The following ZNF831 variants were observed in gnomAD, a reference collection of about 807,000 sequenced individuals.
ZNF831 encodes chromosome 20 open reading frame 174.
ZNF831 carries 59 observed loss-of-function variants against 95.8 expected under a neutral mutation model. That is an observed-to-expected ratio of 0.62 (90% CI 0.50 to 0.77). The LOEUF (loss-of-function observed/expected upper bound fraction) is 0.77. Ranked by LOEUF, ZNF831 falls within the 30% of genes least tolerant of loss-of-function variation. ZNF831 has a pLI of 0.00. For synonymous variants in ZNF831, 961 were observed against 925.5 expected (o/e 1.04, Z -0.70); for missense variants, 2,205 against 2,164.0 (o/e 1.02, Z -0.38).
chr20:59,193,515 C>T lies in ZNF831; in HGVS notation c.2496C>T (p.Ser832=), dbSNP rs2146584795. The T allele has an allele frequency of 2.5e-6, 4 of 1,609,324 alleles. No individual in the cohort carries two copies. Among genetic ancestry groups the T allele is most frequent in the Non-Finnish European group, 3.4e-6 (4 of 1,177,878 alleles). Residue 832 remains serine (S), a synonymous_variant, in exon 2 of 6, where the codon AGC becomes AGT. Coordinates refer to ENST00000371030, the MANE Select transcript of ZNF831 (RefSeq NM_178457.3). ...RKKLKVEDLH[S]WKQPEPVSAE... is the part of the protein sequence containing the mutation. ...AGCTGAAAGTGGAGGACCTGCACAG[C>T]TGGAAGCAACCAGAGCCTGTGAGCG...
chr20:59,203,197 A>G (rs1365511411), intron 3 of ZNF831, among the ~76,000 whole-genome samples: 1 of 152,218 alleles, frequency 6.6e-6, no homozygotes, highest in Admixed American at 6.5e-5. Flanking sequence ...TTCTTGTATG[A>G]ATTCATATAT....
At chr20:59,152,308 G>T (rs1980291872) in intron 2 of ZNF831, among the ~76,000 whole-genome samples, 1 of 148,714 alleles carries the variant, frequency 6.7e-6, no homozygotes, top group African/African-American at 2.6e-5. Context: ...CTGAGGTTCG[G>T]GAGTGGGAGA....
At chr20:59,215,352 G>A (rs142013528) in intron 4 of ZNF831, among the ~76,000 whole-genome samples, 152 of 152,340 alleles carry the variant, frequency 1.0e-3, no homozygotes, top group African/African-American at 3.3e-3. Context: ...TTGATTGAGG[G>A]AGATGTTTTA....
chr20:59,218,532 C>T (rs989622928), intron 4 of ZNF831, among the ~76,000 whole-genome samples: 2 of 151,956 alleles, frequency 1.3e-5, no homozygotes, highest in African/African-American at 4.8e-5. Context: ...GTGTGTTCGT[C>T]TCTCTCCATC....
intron 4 of ZNF831, among the ~76,000 whole-genome samples, chr20:59,222,758 G>A (rs1986175989): frequency 1.3e-5 from 2 of 152,200 alleles, no homozygotes; most frequent in African/African-American, 4.8e-5. Context: ...CCTGGAGTCC[G>A]GTCTGGGAGG....
At chr20:59,246,877 G>A (rs1321884501) in intron 4 of ZNF831, among the ~76,000 whole-genome samples, 1 of 152,172 alleles carries the variant, frequency 6.6e-6, no homozygotes, top group Non-Finnish European at 1.5e-5. Context: ...CCCTGCCTGT[G>A]CAGCTGAAGT....
rs2146787493 is a variant in ZNF831, at chr20:59,258,982, T to A, written c.*4239T>A. 1 of 152,366 alleles carries A rather than the reference T, an allele frequency of 6.6e-6. No homozygotes were observed. The highest frequency in any genetic ancestry group is 6.5e-5 in the Admixed American group (1 of 15,306). The allele number at this position is 152,366 out of a possible 1,614,324, so 9.4% of individuals were successfully genotyped here. On this transcript the variant is annotated 3_prime_UTR_variant, in exon 6 of 6. Transcript: ENST00000371030. ...GGAATGTCTTGTATATGCGGTCAACTGTTCAGGATTTACTACTCAATTGGT... is the reference window on the plus strand; with the variant it reads ...GGAATGTCTTGTATATGCGGTCAACAGTTCAGGATTTACTACTCAATTGGT...
intron 1 of ZNF831, among the ~76,000 whole-genome samples, chr20:59,177,446 G>GT (rs1982258852): frequency 6.6e-6 from 1 of 152,210 alleles, no homozygotes; most frequent in African/African-American, 2.4e-5. Context: ...TGCACTGGCT[G>GT]TTTGCATCCA....
Position 59,194,518 on chromosome 20 carries a change from C to T in ZNF831, c.3499C>T (p.Pro1167Ser), listed in dbSNP as rs748734904. ...GTSRSHSTRS[P>S]HSTQNPFPSL... is the part of the protein sequence containing the mutation. ...GTCCCGGAGCCACAGCACCCGCAGT[C>T]CCCACAGCACCCAAAACCCCTTTCC... The change falls in exon 2 of 6, where the codon CCC becomes TCC. Residue 1167 changes from proline (P) to serine (S), a missense_variant. Transcript: ENST00000371030. The T allele has an allele frequency of 6.2e-7, 1 of 1,607,968 alleles. No individual in the cohort carries two copies.
chr20:59,247,806 A>C (rs1987692782), intron 4 of ZNF831, among the ~76,000 whole-genome samples: 1 of 152,254 alleles, frequency 6.6e-6, no homozygotes, highest in African/African-American at 2.4e-5. Context: ...ACAAACCAAA[A>C]GAAATATATC....
At chr20:59,248,958 C>T (rs189133260) in intron 4 of ZNF831, among the ~76,000 whole-genome samples, 157 of 152,268 alleles carry the variant, frequency 1.0e-3, no homozygotes, top group African/African-American at 3.7e-3. Flanking sequence ...AACTTCTTAC[C>T]ACAGTCACTT....
Position 59,255,853 on chromosome 20 carries a change from A to G in ZNF831, c.*1110A>G, listed in dbSNP as rs1372024363. The G allele has an allele frequency of 6.6e-6, 1 of 152,166 alleles. No homozygotes were observed. The highest frequency in any genetic ancestry group is 1.5e-5 in the Non-Finnish European group (1 of 68,028). 9.4% of individuals were successfully genotyped at this position (152,166 alleles called of 1,614,324 possible). ...TTGTGCACGTCAGAACTGCACAGAG[A>G]AAATTCCCCAGTATTCCAAGCCGGT... is the stretch of plus-strand genomic sequence containing the variant. On this transcript the variant is annotated 3_prime_UTR_variant, in exon 6 of 6. Transcript: ENST00000371030.
chr20:59,245,267 A>T (rs781160602), intron 4 of ZNF831, among the ~76,000 whole-genome samples: 3 of 152,222 alleles, frequency 2.0e-5, no homozygotes, highest in Non-Finnish European at 4.4e-5. Flanking sequence ...GTTTGAAAGC[A>T]TGTGAAATAC....
At position 59,254,692 on chromosome 20, in the gene ZNF831, G is replaced by T. The variant is rs1269658920; in HGVS notation, c.4983G>T (p.Glu1661Asp). Residue 1661 changes from glutamate to aspartate, a missense_variant, in exon 6 of 6, where the codon GAG becomes GAT. By Grantham distance (45) the Glu-to-Asp change is conservative (BLOSUM62 2). Coordinates refer to ENST00000371030, the MANE Select transcript of ZNF831 (RefSeq NM_178457.3). The surrounding 1 kb of genome is among the most constrained non-coding windows in gnomAD (Gnocchi z 4.5). ...LEGMRKQTRV[E>D]FSDTSSDDED... ...GAATGAGAAAGCAAACTCGAGTAGA[G>T]TTCAGTGACACCAGCAGCGACGATG... 1 of 1,614,072 alleles carries T rather than the reference G, an allele frequency of 6.2e-7. No individual in the cohort carries two copies. The highest frequency in any genetic ancestry group is 2.2e-5 in the East Asian group (1 of 44,868).
In ZNF831 at chr20:59,191,761, C is replaced by G. The variant is rs1474885764; in HGVS notation, c.742C>G (p.Pro248Ala). ...HEGASERPLS[P>A]GAHVPLLAKN... ...AGGCGCCTCGGAGAGACCCCTTTCT[C>G]CGGGTGCCCACGTGCCCCTACTTGC... Residue 248 changes from proline (P) to alanine (A), a missense_variant, in exon 2 of 6, where the codon CCG becomes GCG. Transcript: ENST00000371030. 6.2e-7 allele frequency: 1 copy of G among 1,608,512 alleles called. No homozygotes were observed. The highest frequency in any genetic ancestry group is 1.7e-4 in the Middle Eastern group (1 of 6,058).
At position 59,186,565 on chromosome 20, in the gene ZNF831, C is replaced by T. The variant is rs116963457; in HGVS notation, c.-36-4419C>T. Reference sequence around the variant, plus strand: ...AGAGATGAGGAAACAGTCTCAGGGCCACCCTCTAGCAAGATGGTTAAGCAG... The same window carrying T: ...AGAGATGAGGAAACAGTCTCAGGGCTACCCTCTAGCAAGATGGTTAAGCAG... On this transcript the variant is annotated intron_variant, in intron 1 of 5. Transcript: ENST00000371030. 1.1e-3 allele frequency among the ~76,000 whole-genome samples: 161 copies of T among 152,310 alleles called. 1 individual carries two copies. The East Asian group carries it at 0.026, about 25-fold the overall frequency.
At chr20:59,230,711 A>C (rs986853853) in intron 4 of ZNF831, among the ~76,000 whole-genome samples, 2 of 152,250 alleles carry the variant, frequency 1.3e-5, no homozygotes, top group African/African-American at 4.8e-5. Context: ...TGGTTGACAG[A>C]CATAGCAAAT....
chr20:59,249,217 C>G (rs2146746644), intron 4 of ZNF831, among the ~76,000 whole-genome samples: 1 of 152,308 alleles, frequency 6.6e-6, no homozygotes, highest in East Asian at 1.9e-4. Flanking sequence ...CTATATAAAA[C>G]AGTCCTCCCT....
In ZNF831 at chr20:59,193,866, G is replaced by GGT. The variant is rs1278423064; in HGVS notation, c.2847_2848insGT (p.Thr950ValfsTer116). On this transcript the variant is annotated frameshift_variant, in exon 2 of 6. Coordinates refer to ENST00000371030, the MANE Select transcript of ZNF831 (RefSeq NM_178457.3). LOFTEE classifies it high-confidence loss of function. The stretch of plus-strand genomic sequence containing the variant: ...ACCTCCTCAGGTTACCTCAGGCAGA[G>GGT]ACCCCCTTACCACTGCCCATTCCCT... The GGT allele has an allele frequency of 3.1e-6, 5 of 1,612,714 alleles. No homozygotes were observed. The highest frequency in any genetic ancestry group is 4.2e-6 in the Non-Finnish European group (5 of 1,179,378).
Sources: allele counts gnomAD v4.1 joint callset (sites outside exome capture counted in the v4.1 genomes callset), GRCh38; gene constraint gnomAD v4.1.1; non-coding constraint Gnocchi (gnomAD v3.1); transcripts MANE v1.5; gene names NCBI Gene and HGNC (gene_info 2026-07-23, HGNC 2026-07-21).